The following OR9Q1 variants were observed in gnomAD, a reference collection of about 807,000 sequenced individuals.
The protein encoded by OR9Q1 is olfactory receptor 9Q1.
For missense variants in OR9Q1, 374 were observed against 378.8 expected (o/e 0.99, Z 0.11); for synonymous variants, 153 against 148.6 (o/e 1.03, Z -0.22).
At chr11:58,029,270 C>T (rs181084194) in intron 1 of OR9Q1, among the ~76,000 whole-genome samples, 10 of 152,298 alleles carry the variant, frequency 6.6e-5, no homozygotes, top group African/African-American at 2.4e-4. Context: ...GAAGCTTGGC[C>T]AGGCTGAGGC....
chr11:58,161,213 G>A lies in OR9Q1; in HGVS notation c.-14-18218G>A, dbSNP rs925069731. On this transcript the variant is annotated intron_variant, in intron 2 of 2. Coordinates refer to ENST00000335397, the MANE Select transcript of OR9Q1 (RefSeq NM_001005212.4). ...CCTATGTAACAAACCTGCATGTTGT[G>A]CACATGTACCCTAGAACGTAAAGTA... 2.7e-5 allele frequency among the ~76,000 whole-genome samples: 4 copies of A among 149,784 alleles called. No homozygotes were observed. In the Admixed American group the frequency reaches 2.7e-4, roughly 10 times the overall value.
At chr11:58,125,720 T>C (rs1372571791) in intron 2 of OR9Q1, among the ~76,000 whole-genome samples, 1 of 152,128 alleles carries the variant, frequency 6.6e-6, no homozygotes, top group Non-Finnish European at 1.5e-5. Flanking sequence ...GAGACCACAC[T>C]TCAGCAGAGG....
intron 2 of OR9Q1, chr11:58,073,333 C>T (rs1391746507): frequency 1.2e-5 from 2 of 162,420 alleles, no homozygotes; most frequent in African/African-American, 2.4e-5. Context: ...AACCATAATT[C>T]TCCAAAATAT....
intron 2 of OR9Q1, among the ~76,000 whole-genome samples, chr11:58,103,047 T>C (rs1853799607): frequency 6.6e-6 from 1 of 152,084 alleles, no homozygotes; most frequent in Admixed American, 6.6e-5. Flanking sequence ...GCATCTATAT[T>C]AGTCCATTCT....
chr11:58,178,778 A>G (rs571791928), intron 2 of OR9Q1, among the ~76,000 whole-genome samples: 1 of 151,552 alleles, frequency 6.6e-6, no homozygotes, highest in East Asian at 1.9e-4. Context: ...TGTTTTGTCA[A>G]CATGCTAAGA....
chr11:58,179,167 T>A (rs961822910), intron 2 of OR9Q1, among the ~76,000 whole-genome samples: 1 of 151,224 alleles, frequency 6.6e-6, no homozygotes, highest in South Asian at 2.1e-4. Flanking sequence ...GGATTACAGG[T>A]GCTCACCACC....
chr11:58,164,255 T>C (rs1348088129), intron 2 of OR9Q1, among the ~76,000 whole-genome samples: 3 of 152,028 alleles, frequency 2.0e-5, no homozygotes, highest in Non-Finnish European at 4.4e-5. Flanking sequence ...GTGGCCAAAT[T>C]ATGATTATTT....
At chr11:58,115,268 A>G (rs892880686) in intron 2 of OR9Q1, among the ~76,000 whole-genome samples, 4 of 152,188 alleles carry the variant, frequency 2.6e-5, no homozygotes, top group African/African-American at 9.6e-5. Context: ...ATTTACTTGC[A>G]ATAACAAAAA....
At chr11:58,078,807 G>A (rs1193474350) in intron 2 of OR9Q1, among the ~76,000 whole-genome samples, 1 of 152,186 alleles carries the variant, frequency 6.6e-6, no homozygotes, top group African/African-American at 2.4e-5. Context: ...ATCGAATGGA[G>A]CTGATATGGA....
chr11:58,059,620 A>T (rs1853360226), intron 2 of OR9Q1, among the ~76,000 whole-genome samples: 1 of 139,072 alleles, frequency 7.2e-6, no homozygotes, highest in Non-Finnish European at 1.5e-5. Flanking sequence ...CCCGGGAGAC[A>T]GAGGTTGCAG....
intron 2 of OR9Q1, among the ~76,000 whole-genome samples, chr11:58,062,002 A>C (rs1374215320): frequency 6.6e-6 from 1 of 152,236 alleles, no homozygotes; most frequent in Non-Finnish European, 1.5e-5. Flanking sequence ...ATGATGTCAT[A>C]GTTTCAAGAA....
chr11:58,121,004 G>A (rs1374066077), intron 2 of OR9Q1, among the ~76,000 whole-genome samples: 2 of 151,586 alleles, frequency 1.3e-5, no homozygotes, highest in Admixed American at 6.6e-5. Flanking sequence ...TTTTGACTAC[G>A]GGTTGATTCT....
intron 2 of OR9Q1, among the ~76,000 whole-genome samples, chr11:58,123,080 C>G (rs1436501628): frequency 6.6e-6 from 1 of 151,908 alleles, no homozygotes; most frequent in East Asian, 1.9e-4. Flanking sequence ...GAAAGCAGCC[C>G]TTTAAGCAGA....
intron 2 of OR9Q1, among the ~76,000 whole-genome samples, chr11:58,068,278 G>A (rs749039661): frequency 6.6e-6 from 1 of 151,824 alleles, no homozygotes; most frequent in Non-Finnish European, 1.5e-5. Context: ...AACCTGGGAG[G>A]TGGAGGCTGT....
chr11:58,077,479 T>G (rs1373960266), intron 2 of OR9Q1: 1 of 152,234 alleles, frequency 6.6e-6, no homozygotes, highest in East Asian at 1.9e-4. Context: ...CCAACTTGTC[T>G]TCTGTCAGTG....
At chr11:58,167,827 GT>G (rs1040668106) in intron 2 of OR9Q1, among the ~76,000 whole-genome samples, 5 of 152,188 alleles carry the variant, frequency 3.3e-5, no homozygotes, top group Non-Finnish European at 7.4e-5. Context: ...AGAAGTAGAA[GT>G]GTGCAAGGTC....
chr11:58,052,773 C>G (rs912434935), intron 1 of OR9Q1, among the ~76,000 whole-genome samples: 2 of 150,480 alleles, frequency 1.3e-5, no homozygotes, highest in East Asian at 2.0e-4. Flanking sequence ...ACAACCCCAT[C>G]AAATAGTGGG....
At chr11:58,108,019 T>C (rs1366811272) in intron 2 of OR9Q1, among the ~76,000 whole-genome samples, 2 of 152,186 alleles carry the variant, frequency 1.3e-5, no homozygotes, top group South Asian at 4.2e-4. Context: ...GCAGGCACTG[T>C]GTTTAGGAGG....
Position 58,072,155 on chromosome 11 carries a change from A to G in OR9Q1, c.-15+16208A>G, listed in dbSNP as rs558530030. 1.4e-3 allele frequency among the ~76,000 whole-genome samples: 218 copies of G among 152,350 alleles called. 1 individual carries two copies. The highest frequency in any genetic ancestry group is 5.0e-3 in the African/African-American group (208 of 41,598). ...ATTAATACTTAAAGTACAAATATTT[A>G]TTAAATGAGGTTCAAAAGACTTATA... On this transcript the variant is annotated intron_variant, in intron 2 of 2. Coordinates refer to ENST00000335397, the MANE Select transcript of OR9Q1 (RefSeq NM_001005212.4).
Sources: gnomAD v4.1 joint callset for allele counts (sites outside exome capture counted in the v4.1 genomes callset) on GRCh38, gnomAD v4.1.1 for gene constraint, MANE v1.5 for transcripts, NCBI Gene and HGNC (gene_info 2026-07-23, HGNC 2026-07-21) for gene names.